The following NRXN3 variants were observed in gnomAD, a reference collection of about 807,000 sequenced individuals.
NRXN3 encodes the protein neurexin 3, also known as neurexin III.
NRXN3 carries 32 observed loss-of-function variants against 137.6 expected under a neutral mutation model. That is an observed-to-expected ratio of 0.23 (90% CI 0.18 to 0.31). The LOEUF (loss-of-function observed/expected upper bound fraction) is 0.31, where lower values mean the gene tolerates loss of function less well. Ranked by LOEUF, NRXN3 falls within the 10% of genes least tolerant of loss-of-function variation. The probability of loss-of-function intolerance (pLI) is 1.00; values close to 1 mark genes in which losing one functional copy is unlikely to be tolerated. For synonymous variants in NRXN3, 798 were observed against 784.5 expected, an observed-to-expected ratio of 1.02 and a Z score of -0.29; for missense variants, 1,574 against 2,062.5, an observed-to-expected ratio of 0.76 and a Z score of 4.59.
At chr14:79,556,378 A>G (rs933458905) in intron 16 of NRXN3, among the ~76,000 whole-genome samples, 12 of 152,204 alleles carry the variant, frequency 7.9e-5, no homozygotes, top group African/African-American at 2.7e-4. Context: ...ACTTCAGCTC[A>G]TAAGCATTTT....
intron 19 of NRXN3, among the ~76,000 whole-genome samples, chr14:79,713,154 C>A (rs1015535985): frequency 3.5e-5 from 5 of 140,942 alleles, no homozygotes; most frequent in Non-Finnish European, 6.1e-5. Context: ...CTTGACTGCA[C>A]TGATTTTTAC....
At chr14:79,379,773 C>T (rs1443259234) in intron 15 of NRXN3, among the ~76,000 whole-genome samples, 1 of 152,130 alleles carries the variant, frequency 6.6e-6, no homozygotes, top group East Asian at 1.9e-4. Flanking sequence ...GCCACTTTCC[C>T]CCACTCTAAT....
intron 8 of NRXN3, among the ~76,000 whole-genome samples, chr14:78,746,712 C>G (rs1040433746): frequency 3.9e-5 from 6 of 152,190 alleles, no homozygotes; most frequent in African/African-American, 1.4e-4. Context: ...TGGGCATGCT[C>G]ACTTCTACTT....
chr14:78,962,378 G>C (rs2099409786), intron 11 of NRXN3, among the ~76,000 whole-genome samples: 2 of 152,086 alleles, frequency 1.3e-5, no homozygotes, highest in African/African-American at 4.8e-5. Context: ...TCTTGGTTTT[G>C]GCTTGTTATC....
At chr14:78,849,403 C>T (rs1264616282) in intron 10 of NRXN3, among the ~76,000 whole-genome samples, 1 of 151,978 alleles carries the variant, frequency 6.6e-6, no homozygotes. Context: ...GCTGAAGGAC[C>T]AATGGCAGGA....
chr14:78,953,752 G>C (rs17108397), intron 10 of NRXN3, among the ~76,000 whole-genome samples: 18,719 of 151,898 alleles, frequency 0.12, 2,354 homozygotes, highest in East Asian at 0.43. Flanking sequence ...GAGAATCAAA[G>C]GATTTTTTTT....
chr14:79,813,431 A>G (rs557721623), intron 20 of NRXN3, among the ~76,000 whole-genome samples: 81 of 152,230 alleles, frequency 5.3e-4, no homozygotes, highest in African/African-American at 1.9e-3. Context: ...TGGTGGTTCA[A>G]TTTATTTTGT....
chr14:79,008,464 T>A (rs2099559814), intron 15 of NRXN3, among the ~76,000 whole-genome samples: 1 of 152,180 alleles, frequency 6.6e-6, no homozygotes, highest in African/African-American at 2.4e-5. Flanking sequence ...GAAATAGTCA[T>A]ATGTCTACTA....
chr14:79,805,044 T>G (rs1422234592), intron 19 of NRXN3, 68 bp from the exon 20 acceptor site: 10 of 1,081,538 alleles, frequency 9.2e-6, no homozygotes, highest in Non-Finnish European at 1.4e-5. Context: ...TCTTTGTTCA[T>G]TAGTTTCCTT....
chr14:78,252,673 T>C (rs1410706638), intron 2 of NRXN3, among the ~76,000 whole-genome samples: 1 of 152,226 alleles, frequency 6.6e-6, no homozygotes, highest in African/African-American at 2.4e-5. Flanking sequence ...GCTGGTAATG[T>C]AGGACTGGTG....
At chr14:79,808,858 G>A (rs1240831874) in intron 20 of NRXN3, among the ~76,000 whole-genome samples, 1 of 152,088 alleles carries the variant, frequency 6.6e-6, no homozygotes, top group East Asian at 1.9e-4. Flanking sequence ...TTAGTTATAA[G>A]CAATCGCCTT....
chr14:79,526,154 TCTCCTGCCTCAGC>T (rs1267078484), intron 16 of NRXN3, among the ~76,000 whole-genome samples: 2 of 152,160 alleles, frequency 1.3e-5, no homozygotes, highest in Non-Finnish European at 2.9e-5. Flanking sequence ...TTCAAGCAAT[TCTCCTGCCTCAGC>T]CTCCCGAGTA....
chr14:79,565,310 C>CATATGTAT (rs1567520577), intron 16 of NRXN3, among the ~76,000 whole-genome samples: 1 of 114,044 alleles, frequency 8.8e-6, no homozygotes, highest in East Asian at 2.2e-4. Context: ...TATACATATA[C>CATATGTAT]ACACACATGT....
intron 16 of NRXN3, among the ~76,000 whole-genome samples, chr14:79,579,675 T>TATATAATATTTTACATATCAGG (rs1465039528): frequency 2.0e-5 from 3 of 152,186 alleles, no homozygotes. Context: ...AAAAGATTGA[T>TATATAATATTTTACATATCAGG]ATATAATATT....
chr14:79,387,397 A>T (rs2094667524), intron 15 of NRXN3, among the ~76,000 whole-genome samples: 1 of 152,136 alleles, frequency 6.6e-6, no homozygotes. Context: ...TCAAAACCAC[A>T]ATGAGATACC....
At chr14:78,811,881 T>A (rs937937956) in intron 10 of NRXN3, among the ~76,000 whole-genome samples, 4 of 152,172 alleles carry the variant, frequency 2.6e-5, no homozygotes, top group Admixed American at 2.6e-4. Flanking sequence ...AATGGCCTAT[T>A]TTCTGTGTTT....
In NRXN3 at chr14:78,243,329, C is replaced by T; in HGVS notation, c.236C>T (p.Ser79Phe). Residue 79 changes from serine to phenylalanine, a missense_variant, in exon 2 of 21, where the codon TCC (serine) becomes TTC (phenylalanine). Ser to Phe is a radical substitution (Grantham distance 155). Around this residue, in one of 5 missense-constraint regions of NRXN3, gnomAD observed 400 missense variants for 527.3 expected, o/e 0.76. Coordinates refer to ENST00000335750, the MANE Select transcript of NRXN3 (RefSeq NM_001330195.2). This position sits in a 1 kb window ranked among gnomAD's most constrained non-coding sequence, Gnocchi z 4.2. ...DGGVCDFLCL[S>F]LVDGRVQLRF... is the part of the protein sequence containing the mutation. ...GGCGTCTGCGACTTCCTATGCCTCTCCCTGGTGGATGGCCGCGTTCAGCTC... is the reference window on the plus strand; with the variant it reads ...GGCGTCTGCGACTTCCTATGCCTCTTCCTGGTGGATGGCCGCGTTCAGCTC... 7.7e-6 allele frequency: 12 copies of T among 1,560,244 alleles called. No homozygotes were observed. The highest frequency in any genetic ancestry group is 1.0e-5 in the Non-Finnish European group (12 of 1,160,452).
chr14:79,819,482 C>CTTTTTTTTTTTTTTTTTTT (rs58492725), intron 20 of NRXN3, among the ~76,000 whole-genome samples: 1 of 71,922 alleles, frequency 1.4e-5, no homozygotes, highest in African/African-American at 6.4e-5. Flanking sequence ...ACATTAAAAG[C>CTTTTTTTTTTTTTTTTTTT]TTTTTTTTTT....
chr14:79,500,011 A>C (rs1375275095), intron 16 of NRXN3, among the ~76,000 whole-genome samples: 1 of 149,218 alleles, frequency 6.7e-6, no homozygotes, highest in Non-Finnish European at 1.5e-5. Context: ...GAATAAAGTA[A>C]ATAAACTAAT....
Sources: gnomAD v4.1 joint callset for allele counts (sites outside exome capture counted in the v4.1 genomes callset) on GRCh38, gnomAD v4.1.1 for gene constraint, gnomAD v4.1.1 regional missense constraint, Gnocchi (gnomAD v3.1) non-coding constraint, MANE v1.5 for transcripts, NCBI Gene and HGNC (gene_info 2026-07-23, HGNC 2026-07-21) for gene names.